Variants in SMIM31 observed in about 807,000 individuals in gnomAD.
SMIM31 encodes the protein small integral membrane protein 31.
rs753365487 is a variant in SMIM31, at chr4:164,783,217, C to CAAAAA, written c.112+12673_112+12677dup. Among the ~76,000 whole-genome samples, 83 of 32,886 alleles carry CAAAAA rather than the reference C, an allele frequency of 2.5e-3. 3 individuals are homozygous for CAAAAA. Among genetic ancestry groups the CAAAAA allele is most frequent in the Middle Eastern group, 0.018 (1 of 56 alleles). The allele number at this position is 32,886 out of a possible 152,430, so 21.6% of individuals were successfully genotyped here. Reference sequence around the variant, plus strand: ...TGGGCAACATAGCAAGACTCTGTCTCAAAAAAAAAAAAAAAGGAATTTCTG... The same window carrying CAAAAA: ...TGGGCAACATAGCAAGACTCTGTCTCAAAAAAAAAAAAAAAAAAAAGGAATTTCTG... On this transcript the variant is annotated intron_variant, in intron 2 of 2. Coordinates refer to ENST00000507311, the MANE Select transcript of SMIM31 (RefSeq NM_001352885.1).
At chr4:164,798,468 C>T (rs1260673679) in intron 2 of SMIM31, among the ~76,000 whole-genome samples, 1 of 151,950 alleles carries the variant, frequency 6.6e-6, no homozygotes, top group East Asian at 1.9e-4. Context: ...GTCTTGATCT[C>T]CTGACCTCGT....
At chr4:164,797,930 G>A (rs1336586598) in intron 2 of SMIM31, among the ~76,000 whole-genome samples, 1 of 152,044 alleles carries the variant, frequency 6.6e-6, no homozygotes, top group African/African-American at 2.4e-5. Flanking sequence ...ACTCCACTCT[G>A]AATGTTCATT....
intron 2 of SMIM31, among the ~76,000 whole-genome samples, chr4:164,777,833 C>T (rs965564426): frequency 1.3e-5 from 2 of 152,164 alleles, no homozygotes; most frequent in African/African-American, 2.4e-5. Flanking sequence ...AGGTTAGAAT[C>T]GACTTTATAA....
intron 2 of SMIM31, among the ~76,000 whole-genome samples, chr4:164,778,476 G>A (rs917592252): frequency 2.6e-5 from 4 of 152,080 alleles, no homozygotes; most frequent in East Asian, 1.9e-4. Flanking sequence ...GTGATGACTC[G>A]ATGAAAAATT....
intron 1 of SMIM31, among the ~76,000 whole-genome samples, chr4:164,757,665 CA>C (rs1175728620): frequency 1.3e-5 from 2 of 151,130 alleles, no homozygotes. Flanking sequence ...CCACTGTTTT[CA>C]AAAAAACATT....
chr4:164,785,510 G>T (rs183139646), intron 2 of SMIM31, among the ~76,000 whole-genome samples: 1 of 152,062 alleles, frequency 6.6e-6, no homozygotes, highest in East Asian at 1.9e-4. Flanking sequence ...CTATAAAATA[G>T]TAACCATATT....
chr4:164,761,210 T>C lies in SMIM31; in HGVS notation c.-26+6799T>C, dbSNP rs1732644618. On this transcript the variant is annotated intron_variant, in intron 1 of 2. Coordinates refer to ENST00000507311, the MANE Select transcript of SMIM31 (RefSeq NM_001352885.1). ...AGGATTTACTAATAATTTATCTTTA[T>C]GCCATAGCATAACTTTATCAGGGAA... Among the ~76,000 whole-genome samples the C allele has an allele frequency of 3.3e-5, 5 of 152,236 alleles. 1 individual carries two copies. In the South Asian group the frequency reaches 1.0e-3, roughly 32 times the overall value.
At chr4:164,800,519 T>C (rs552057632) in intron 2 of SMIM31, among the ~76,000 whole-genome samples, 1 of 152,280 alleles carries the variant, frequency 6.6e-6, no homozygotes, top group East Asian at 1.9e-4. Flanking sequence ...GTTTAACATA[T>C]TTATTTCAGG....
intron 1 of SMIM31, among the ~76,000 whole-genome samples, chr4:164,762,662 CAAAAAAAAAA>C (rs1162067333): frequency 1.0e-5 from 1 of 100,116 alleles, no homozygotes; most frequent in East Asian, 2.8e-4. Flanking sequence ...GACTCTGTCT[CAAAAAAAAAA>C]AAAAAAAAAA....
intron 2 of SMIM31, among the ~76,000 whole-genome samples, chr4:164,792,209 C>T (rs80071135): frequency 0.022 from 3,349 of 152,238 alleles, 63 homozygotes; most frequent in Non-Finnish European, 0.035. Context: ...CTTTAAGTAG[C>T]AACATTTTAG....
chr4:164,757,919 A>C (rs1464728104), intron 1 of SMIM31, among the ~76,000 whole-genome samples: 1 of 152,044 alleles, frequency 6.6e-6, no homozygotes, highest in Non-Finnish European at 1.5e-5. Flanking sequence ...AAAGTTTAGG[A>C]TCAGCTTATC....
chr4:164,791,542 C>T (rs1733101372), intron 2 of SMIM31, among the ~76,000 whole-genome samples: 1 of 152,072 alleles, frequency 6.6e-6, no homozygotes, highest in Non-Finnish European at 1.5e-5. Flanking sequence ...CACTACCTTG[C>T]CCAGGCTGGT....
intron 2 of SMIM31, among the ~76,000 whole-genome samples, chr4:164,789,501 T>C (rs150416679): frequency 0.015 from 2,272 of 152,306 alleles, 28 homozygotes; most frequent in Non-Finnish European, 0.024. Flanking sequence ...AAAATATTTG[T>C]CCACTCTAAG....
intron 1 of SMIM31, among the ~76,000 whole-genome samples, chr4:164,758,635 T>G (rs1320107305): frequency 1.0e-4 from 13 of 124,246 alleles, no homozygotes; most frequent in African/African-American, 3.8e-4. Flanking sequence ...TTTTTGTTTT[T>G]TTTTTTTTTT....
chr4:164,782,379 T>C (rs1732963142), intron 2 of SMIM31, among the ~76,000 whole-genome samples: 1 of 140,022 alleles, frequency 7.1e-6, no homozygotes, highest in African/African-American at 2.7e-5. Context: ...TTTCTTTTAT[T>C]TTTTTTTTTT....
At chr4:164,757,261 G>A (rs1038329608) in intron 1 of SMIM31, among the ~76,000 whole-genome samples, 1 of 152,040 alleles carries the variant, frequency 6.6e-6, no homozygotes, top group Non-Finnish European at 1.5e-5. Flanking sequence ...TTTAAAACTT[G>A]GATTGTCTTT....
intron 1 of SMIM31, among the ~76,000 whole-genome samples, chr4:164,755,283 C>G (rs532859905): frequency 6.6e-6 from 1 of 151,326 alleles, no homozygotes; most frequent in Admixed American, 6.6e-5. Flanking sequence ...AGTTTAAGAC[C>G]AGCCTGGCCA....
At chr4:164,793,440 T>C (rs1733132643) in intron 2 of SMIM31, among the ~76,000 whole-genome samples, 1 of 152,182 alleles carries the variant, frequency 6.6e-6, no homozygotes, top group Non-Finnish European at 1.5e-5. Flanking sequence ...ACACCAGGTA[T>C]TAGTCTGCCA....
rs1733287493 is a variant in SMIM31, at chr4:164,801,796, C to A, written c.*602C>A. ...ACGTTTTCTGAAGCAATATGGTTTA[C>A]AGAGACATGAGTGTTTGTAAATCTC... On this transcript the variant is annotated 3_prime_UTR_variant, in exon 3 of 3. Coordinates refer to ENST00000507311, the MANE Select transcript of SMIM31 (RefSeq NM_001352885.1). 1 of 152,166 alleles carries A rather than the reference C, an allele frequency of 6.6e-6. No homozygotes were observed. The highest frequency in any genetic ancestry group is 2.1e-4 in the South Asian group (1 of 4,832). The allele number at this position is 152,166 out of a possible 1,614,324, so 9.4% of individuals were successfully genotyped here.
Sources: allele counts gnomAD v4.1 joint callset (sites outside exome capture counted in the v4.1 genomes callset), GRCh38; gene constraint gnomAD v4.1.1; transcripts MANE v1.5; gene names NCBI Gene and HGNC (gene_info 2026-07-23, HGNC 2026-07-21).